CSMD1: variants seen among roughly 807,000 people sequenced by gnomAD.
CSMD1 encodes CUB and sushi domain-containing protein 1.
Under a neutral mutation model 417.5 loss-of-function variants are expected in CSMD1, and 213 were observed. The observed-to-expected ratio is 0.51, with a 90% CI of 0.46 to 0.57. The LOEUF is 0.57. CSMD1 is among the 20% of genes least tolerant of loss of function. The probability of loss-of-function intolerance (pLI) is 0.00; values close to 1 mark genes in which losing one functional copy is unlikely to be tolerated. For synonymous variants in CSMD1, 2,862 were observed against 1,736.8 expected, an observed-to-expected ratio of 1.65 and a Z score of -16.11; for missense variants, 6,923 against 4,529.7, an observed-to-expected ratio of 1.53 and a Z score of -15.17.
chr8:4,251,542 G>A (rs6983521), intron 3 of CSMD1, among the ~76,000 whole-genome samples: 1 of 151,946 alleles, frequency 6.6e-6, no homozygotes, highest in African/African-American at 2.4e-5. Context: ...TGATCTCTAA[G>A]CAATTTAATC....
intron 5 of CSMD1, among the ~76,000 whole-genome samples, chr8:3,979,288 T>A (rs567415442): frequency 9.8e-5 from 15 of 152,312 alleles, no homozygotes; most frequent in African/African-American, 3.6e-4. Flanking sequence ...TGCTCTAATT[T>A]GTTCTGGATG....
chr8:4,792,730 A>T (rs1797756815), intron 1 of CSMD1, among the ~76,000 whole-genome samples: 1 of 152,184 alleles, frequency 6.6e-6, no homozygotes, highest in South Asian at 2.1e-4. Context: ...AAGAAGCTGC[A>T]TTCAATTACA....
intron 2 of CSMD1, among the ~76,000 whole-genome samples, chr8:4,459,406 G>C (rs562476988): frequency 6.6e-6 from 1 of 152,358 alleles, no homozygotes; most frequent in African/African-American, 2.4e-5. Flanking sequence ...CAGAAGCTGA[G>C]AGTGTCTCTG....
intron 2 of CSMD1, among the ~76,000 whole-genome samples, chr8:4,469,663 A>C (rs79840475): frequency 0.016 from 2,384 of 152,116 alleles, 76 homozygotes; most frequent in African/African-American, 0.055. Context: ...CCTCGTCTGG[A>C]AACAGGCCCA....
chr8:3,845,582 G>A (rs1023933482), intron 5 of CSMD1, among the ~76,000 whole-genome samples: 33 of 152,096 alleles, frequency 2.2e-4, no homozygotes, highest in African/African-American at 7.5e-4. Flanking sequence ...GAAGGCCTAG[G>A]ACATCTCAGT....
chr8:4,444,118 G>A (rs28659931), intron 2 of CSMD1, among the ~76,000 whole-genome samples: 20,092 of 151,820 alleles, frequency 0.13, 1,638 homozygotes, highest in East Asian at 0.29. Context: ...GAGGCAGGTC[G>A]ATCACTTCAG....
chr8:4,472,593 A>C (rs1284278986), intron 2 of CSMD1, among the ~76,000 whole-genome samples: 1 of 152,142 alleles, frequency 6.6e-6, no homozygotes, highest in African/African-American at 2.4e-5. Context: ...CACTTTGAAA[A>C]GTTAAAATAT....
Position 3,074,119 on chromosome 8 carries a change from T to C in CSMD1, c.7474+12978A>G, listed in dbSNP as rs187285008. Among the ~76,000 whole-genome samples, 7 of 152,306 alleles carry C rather than the reference T, an allele frequency of 4.6e-5. No homozygotes were observed. In the East Asian group the frequency reaches 1.4e-3, roughly 29 times the overall value. On this transcript the variant is annotated intron_variant, in intron 49 of 69. Coordinates refer to ENST00000635120, the MANE Select transcript of CSMD1 (RefSeq NM_033225.6). ...TGGTGGCAGAAATACGTTTCTTGCA[T>C]TTGCGCAGCTGAATGTTTCCTGACT...
At position 2,960,794 on chromosome 8, in the gene CSMD1, A is replaced by C. The variant is rs186406437; in HGVS notation, c.9702+347T>G. On this transcript the variant is annotated intron_variant, in intron 62 of 69. Coordinates refer to ENST00000635120, the MANE Select transcript of CSMD1 (RefSeq NM_033225.6). ...TTTTATGGGTAGCTAATCAGTGACA[A>C]GTTACCCCAATCTGAGAACTGCCGT... 5.3e-5 allele frequency among the ~76,000 whole-genome samples: 8 copies of C among 152,124 alleles called. No individual in the cohort carries two copies. In the East Asian group the frequency reaches 9.7e-4, roughly 18 times the overall value.
chr8:3,549,631 C>T lies in CSMD1; in HGVS notation c.1344+25314G>A, dbSNP rs56928813. Among the ~76,000 whole-genome samples, 439 of 152,216 alleles carry T rather than the reference C, an allele frequency of 2.9e-3. 2 individuals are homozygous for T. Among genetic ancestry groups the T allele is most frequent in the African/African-American group, 0.01 (418 of 41,526 alleles). On this transcript the variant is annotated intron_variant, in intron 10 of 69. Transcript: ENST00000635120. ...GCTTTTTAAAAACAGGAGGAGAAAC[C>T]TCAGCTAGCATGATGGGAGAAATCT...
chr8:3,844,519 T>C (rs1054508748), intron 5 of CSMD1, among the ~76,000 whole-genome samples: 9 of 152,184 alleles, frequency 5.9e-5, no homozygotes, highest in Non-Finnish European at 7.3e-5. Flanking sequence ...AACTTCATCA[T>C]CTTTTAGCAG....
chr8:3,031,575 T>C (rs1810343210), intron 50 of CSMD1, among the ~76,000 whole-genome samples: 1 of 152,102 alleles, frequency 6.6e-6, no homozygotes, highest in South Asian at 2.1e-4. Context: ...GTTTCCTTGT[T>C]GTTTTATACA....
At chr8:3,770,203 T>G (rs768635500) in intron 5 of CSMD1, among the ~76,000 whole-genome samples, 4 of 152,176 alleles carry the variant, frequency 2.6e-5, no homozygotes, top group Non-Finnish European at 5.9e-5. Flanking sequence ...TTTGAAACAT[T>G]TCTACACATG....
At chr8:3,305,400 T>C (rs1484529029) in intron 25 of CSMD1, among the ~76,000 whole-genome samples, 1 of 151,928 alleles carries the variant, frequency 6.6e-6, no homozygotes, top group Non-Finnish European at 1.5e-5. Context: ...TTAATTGCCA[T>C]TGTAGCCATA....
chr8:3,637,464 C>A (rs1797106778), intron 7 of CSMD1, among the ~76,000 whole-genome samples: 1 of 152,098 alleles, frequency 6.6e-6, no homozygotes, highest in Non-Finnish European at 1.5e-5. Flanking sequence ...GGTAATATGA[C>A]CTACCATAGC....
At chr8:3,226,147 A>T (rs1258344383) in intron 27 of CSMD1, among the ~76,000 whole-genome samples, 1 of 152,184 alleles carries the variant, frequency 6.6e-6, no homozygotes, top group African/African-American at 2.4e-5. Context: ...TTATGTCAGG[A>T]TGCTCTGTTG....
chr8:4,205,942 T>G (rs1799953770), intron 3 of CSMD1, among the ~76,000 whole-genome samples: 1 of 152,140 alleles, frequency 6.6e-6, no homozygotes, highest in African/African-American at 2.4e-5. Context: ...GACTCCCAAG[T>G]TACTTGCTAC....
chr8:2,962,900 T>C (rs1391335954), intron 60 of CSMD1, among the ~76,000 whole-genome samples: 3 of 152,034 alleles, frequency 2.0e-5, no homozygotes, highest in African/African-American at 7.2e-5. Context: ...ATACAAAAAT[T>C]AGCTGGGTTT....
intron 21 of CSMD1, among the ~76,000 whole-genome samples, chr8:3,351,754 T>C (rs1808438890): frequency 9.3e-6 from 1 of 107,294 alleles, no homozygotes; most frequent in Non-Finnish European, 2.0e-5. Context: ...TAAATATAAA[T>C]ATATTAAATG....
Sources: allele counts gnomAD v4.1 joint callset (sites outside exome capture counted in the v4.1 genomes callset), GRCh38; gene constraint gnomAD v4.1.1; transcripts MANE v1.5; gene names NCBI Gene and HGNC (gene_info 2026-07-23, HGNC 2026-07-21).